The following NOL4 variants were observed in gnomAD, a reference collection of about 807,000 sequenced individuals.
The protein encoded by NOL4 is nucleolar protein 4, also known as cancer/testis antigen 125.
A neutral mutation model predicts 75.9 loss-of-function variants in NOL4; 17 were observed. The ratio of observed to expected loss-of-function variants is 0.22; its 90% CI spans 0.15 to 0.34. NOL4 has a LOEUF of 0.34. Among genes scored for constraint, NOL4 ranks in the 10% least tolerant of loss-of-function variants. NOL4 has a pLI of 1.00. For synonymous variants in NOL4, 292 were observed against 289.9 expected, an observed-to-expected ratio of 1.01 and a Z score of -0.07; for missense variants, 614 against 793.5, an observed-to-expected ratio of 0.77 and a Z score of 2.72.
intron 1 of NOL4, among the ~76,000 whole-genome samples, chr18:34,140,706 A>G (rs2081111641): frequency 6.6e-6 from 1 of 152,090 alleles, no homozygotes; most frequent in Non-Finnish European, 1.5e-5. Context: ...TTATGTGTGA[A>G]TTTGATCCTG....
At chr18:34,030,646 T>A (rs1459896646) in intron 5 of NOL4, among the ~76,000 whole-genome samples, 1 of 152,192 alleles carries the variant, frequency 6.6e-6, no homozygotes, top group Admixed American at 6.5e-5. Context: ...CAGTTTTCTG[T>A]ACCACTTTGG....
chr18:33,870,933 C>G (rs547879981), intron 10 of NOL4, among the ~76,000 whole-genome samples: 10 of 152,116 alleles, frequency 6.6e-5, no homozygotes, highest in Non-Finnish European at 7.4e-5. Flanking sequence ...GTTCGTCAAT[C>G]ACACATTTAA....
intron 10 of NOL4, among the ~76,000 whole-genome samples, chr18:33,871,177 A>G (rs1017386243): frequency 1.3e-5 from 2 of 152,108 alleles, no homozygotes; most frequent in Non-Finnish European, 2.9e-5. Context: ...TGTTAGCATA[A>G]TAATTGTCAT....
At chr18:34,116,582 A>T (rs1330187044) in intron 2 of NOL4, among the ~76,000 whole-genome samples, 1 of 152,204 alleles carries the variant, frequency 6.6e-6, no homozygotes, top group Admixed American at 6.5e-5. Context: ...ATATAATACT[A>T]AAGTTTTTTC....
intron 1 of NOL4, among the ~76,000 whole-genome samples, chr18:34,176,788 G>A (rs1180100820): frequency 6.6e-6 from 1 of 152,038 alleles, no homozygotes; most frequent in Non-Finnish European, 1.5e-5. Flanking sequence ...TGCGTTTCCA[G>A]AACTATGAGA....
chr18:34,008,379 A>G (rs1465179993), intron 6 of NOL4, among the ~76,000 whole-genome samples: 1 of 122,980 alleles, frequency 8.1e-6, no homozygotes, highest in African/African-American at 2.9e-5. Context: ...CTGTCTATCT[A>G]TCTATCTATC....
At chr18:33,953,088 T>C (rs959295528) in intron 8 of NOL4, among the ~76,000 whole-genome samples, 6 of 151,850 alleles carry the variant, frequency 4.0e-5, no homozygotes, top group African/African-American at 1.5e-4. Flanking sequence ...TCCTGGATGT[T>C]GTAAGCATTC....
chr18:34,160,660 G>T (rs1414158026), intron 1 of NOL4, among the ~76,000 whole-genome samples: 1 of 152,110 alleles, frequency 6.6e-6, no homozygotes, highest in African/African-American at 2.4e-5. Flanking sequence ...TAAAACAAAT[G>T]ATCTTTTAAT....
rs78511575 is a variant in NOL4 at position 33,988,169 on chromosome 18, C to T, written c.1057-29751G>A. Among the ~76,000 whole-genome samples the T allele has an allele frequency of 2.5e-3, 382 of 152,140 alleles. 3 individuals carry two copies. The highest frequency in any genetic ancestry group is 8.8e-3 in the African/African-American group (366 of 41,538). ...AGGTTGTTTTTGAAAAAGAAAAACA[C>T]TGTCATAGGGCAAGGTGTAATTGAC... On this transcript the variant is annotated intron_variant, in intron 6 of 10. Coordinates refer to ENST00000261592, the MANE Select transcript of NOL4 (RefSeq NM_003787.5).
chr18:33,945,630 T>C (rs767388893), intron 8 of NOL4, among the ~76,000 whole-genome samples: 1 of 151,760 alleles, frequency 6.6e-6, no homozygotes, highest in Non-Finnish European at 1.5e-5. Flanking sequence ...TAGAACTAGA[T>C]ATATTTTAAG....
chr18:34,055,043 CCTT>C (rs1433675180), intron 5 of NOL4, among the ~76,000 whole-genome samples: 1 of 150,698 alleles, frequency 6.6e-6, no homozygotes, highest in Non-Finnish European at 1.5e-5. Context: ...TTACTCTACT[CCTT>C]ATTGTCCCTA....
At chr18:33,951,254 C>G (rs1411026625) in intron 8 of NOL4, among the ~76,000 whole-genome samples, 1 of 152,138 alleles carries the variant, frequency 6.6e-6, no homozygotes, top group East Asian at 1.9e-4. Context: ...TTCTTTCCCC[C>G]TCACTCTGAA....
chr18:34,161,951 A>G (rs1325839348), intron 1 of NOL4, among the ~76,000 whole-genome samples: 1 of 152,120 alleles, frequency 6.6e-6, no homozygotes, highest in Non-Finnish European at 1.5e-5. Context: ...TAAAGGTAAT[A>G]TTTATTTAAT....
chr18:33,857,143 T>G (rs2062873770), intron 10 of NOL4, among the ~76,000 whole-genome samples: 1 of 152,074 alleles, frequency 6.6e-6, no homozygotes, highest in Non-Finnish European at 1.5e-5. Flanking sequence ...GTCAATACAC[T>G]GCAGATTAAT....
intron 1 of NOL4, among the ~76,000 whole-genome samples, chr18:34,167,937 C>T (rs6650655): frequency 0.015 from 2,222 of 152,100 alleles, 15 homozygotes; most frequent in Middle Eastern, 0.034. Context: ...TTTCAGTGCA[C>T]TAAATCTCTT....
intron 6 of NOL4, among the ~76,000 whole-genome samples, chr18:33,992,757 C>T (rs2073014648): frequency 6.6e-6 from 1 of 152,090 alleles, no homozygotes; most frequent in East Asian, 1.9e-4. Context: ...TTCAATCAGG[C>T]TTCACTCATA....
chr18:34,193,098 T>C (rs2035041304), intron 1 of NOL4, among the ~76,000 whole-genome samples: 1 of 152,092 alleles, frequency 6.6e-6, no homozygotes, highest in African/African-American at 2.4e-5. Flanking sequence ...ACATACCATA[T>C]ACAAAAATTA....
chr18:33,987,883 A>C (rs2072588947), intron 6 of NOL4, among the ~76,000 whole-genome samples: 1 of 152,036 alleles, frequency 6.6e-6, no homozygotes, highest in South Asian at 2.1e-4. Flanking sequence ...TGCATACTGA[A>C]GCCAGATGAT....
intron 5 of NOL4, among the ~76,000 whole-genome samples, chr18:34,055,257 A>T (rs1296469684): frequency 6.6e-6 from 1 of 152,024 alleles, no homozygotes; most frequent in Non-Finnish European, 1.5e-5. Context: ...TTCATCTAGC[A>T]TTCTTTGAAG....
Sources: allele counts gnomAD v4.1 joint callset (sites outside exome capture counted in the v4.1 genomes callset), GRCh38; gene constraint gnomAD v4.1.1; transcripts MANE v1.5; gene names NCBI Gene and HGNC (gene_info 2026-07-23, HGNC 2026-07-21).